PTRH1: variants seen among roughly 807,000 people sequenced by gnomAD.
PTRH1 encodes peptidyl-tRNA hydrolase.
A neutral mutation model predicts 15.7 loss-of-function variants in PTRH1; 13 were observed. The observed-to-expected ratio is 0.83, with a 90% CI of 0.54 to 1.31. The LOEUF is 1.31. PTRH1 is among the 40% of genes most tolerant of loss of function. The probability of loss-of-function intolerance (pLI) is 0.00; values close to 1 mark genes in which losing one functional copy is unlikely to be tolerated. For synonymous variants in PTRH1, 139 were observed against 136.7 expected, an observed-to-expected ratio of 1.02 and a Z score of -0.12; for missense variants, 319 against 296.2, an observed-to-expected ratio of 1.08 and a Z score of -0.56.
downstream of PTRH1, chr9:127,712,290 C>T (rs1475456570): frequency 3.7e-6 from 6 of 1,613,904 alleles, no homozygotes; most frequent in Admixed American, 3.3e-5. Flanking sequence ...GCAGAAGGTT[C>T]GGGCCAGCCT....
At chr9:127,711,809 C>A, downstream of PTRH1, 1 of 1,555,388 alleles carries the variant, frequency 6.4e-7, no homozygotes. Flanking sequence ...GCCACCTGTC[C>A]GCACCCGCAG....
At chr9:127,706,718 C>T (rs1270628435) in intron 1 of PTRH1, among the ~76,000 whole-genome samples, 2 of 152,212 alleles carry the variant, frequency 1.3e-5, no homozygotes, top group African/African-American at 4.8e-5. Context: ...TGGCGATTTC[C>T]AGGGCCCTGA....
intron 1 of PTRH1, among the ~76,000 whole-genome samples, chr9:127,708,119 C>G (rs79213699): frequency 6.6e-6 from 1 of 152,202 alleles, no homozygotes; most frequent in African/African-American, 2.4e-5. Flanking sequence ...CCTCAGCCCC[C>G]ACCCCTGAAA....
At chr9:127,712,967 G>A, downstream of PTRH1, 1 of 1,599,516 alleles carries the variant, frequency 6.3e-7, no homozygotes, top group Non-Finnish European at 8.5e-7. Flanking sequence ...CTCACCCTGG[G>A]CCAGAAACCT....
downstream of PTRH1, chr9:127,713,695 C>A (rs1321212177): frequency 4.8e-6 from 3 of 624,774 alleles, no homozygotes; most frequent in Non-Finnish European, 8.7e-6. Flanking sequence ...TTAGTAGAGA[C>A]AGGGTTTCAC....
At chr9:127,711,608 C>G (rs961501243), downstream of PTRH1, 11 of 1,375,482 alleles carry the variant, frequency 8.0e-6, no homozygotes, top group Admixed American at 2.2e-4. Flanking sequence ...AGGGAGGCAG[C>G]AGAGAGAGGA....
chr9:127,710,641 AGAG>A (rs1238797227), downstream of PTRH1: 1 of 1,587,320 alleles, frequency 6.3e-7, no homozygotes, highest in South Asian at 1.1e-5. Flanking sequence ...GGCTGCAGAA[AGAG>A]GAGGTCACGG....
At chr9:127,706,687 T>C (rs780522296) in intron 1 of PTRH1, among the ~76,000 whole-genome samples, 24 of 152,208 alleles carry the variant, frequency 1.6e-4, no homozygotes, top group Non-Finnish European at 3.4e-4. Context: ...GTCCATCTTC[T>C]GATCAGCACA....
At chr9:127,703,125 C>T (rs1588384446) in intron 1 of PTRH1, among the ~76,000 whole-genome samples, 2 of 152,188 alleles carry the variant, frequency 1.3e-5, no homozygotes, top group East Asian at 3.9e-4. Context: ...TCGGGACACT[C>T]ATTCTATTGC....
At position 127,715,557 on chromosome 9, in the gene PTRH1, C is replaced by T. The variant is rs913434290; in HGVS notation, c.83G>A (p.Gly28Glu). 2 of 1,613,592 alleles carry T rather than the reference C, an allele frequency of 1.2e-6. No homozygotes were observed. Among genetic ancestry groups the T allele is most frequent in the Admixed American group, 1.7e-5 (1 of 60,032 alleles). The change falls in exon 1 of 5, where the codon GGG (glycine) becomes GAG (glutamate). Residue 28 changes from glycine to glutamate, a missense_variant. Transcript: ENST00000543175. This position sits in a 1 kb window ranked among gnomAD's most constrained non-coding sequence, Gnocchi z 5.8. ...CACGCCACTCACCATCCACCGCTTC[C>T]CCGGGGGGCGAGGCTCCAAAACACA... ...SRCVLEPRPPGKRWMVAGLGN... is the reference protein window; with the variant it reads ...SRCVLEPRPPEKRWMVAGLGN...
intron 1 of PTRH1, among the ~76,000 whole-genome samples, chr9:127,707,351 A>T (rs1842670054): frequency 6.6e-6 from 1 of 151,978 alleles, no homozygotes; most frequent in Admixed American, 6.5e-5. Flanking sequence ...CCTCATACGT[A>T]CCTTTGGGAG....
At chr9:127,694,211 C>A (rs898274198) in intron 2 of PTRH1, among the ~76,000 whole-genome samples, 1 of 152,054 alleles carries the variant, frequency 6.6e-6, no homozygotes, top group South Asian at 2.1e-4. Context: ...GGATTACAGG[C>A]GTGAGCTACT....
chr9:127,701,516 C>T (rs1842603195), intron 1 of PTRH1, among the ~76,000 whole-genome samples: 1 of 152,176 alleles, frequency 6.6e-6, no homozygotes. Context: ...ATCAGGAGTA[C>T]CTGACCTGCT....
downstream of PTRH1, chr9:127,709,474 G>T: frequency 6.2e-7 from 1 of 1,614,032 alleles, no homozygotes; most frequent in Non-Finnish European, 8.5e-7. The surrounding 1 kb of genome is among the most constrained non-coding windows in gnomAD (Gnocchi z 4.7). Flanking sequence ...GTTCCGCCAG[G>T]AGTTTGAGCA....
At chr9:127,712,277 T>G (rs750970463), downstream of PTRH1, 2 of 1,614,022 alleles carry the variant, frequency 1.2e-6, no homozygotes, top group Non-Finnish European at 1.7e-6. Context: ...AACTGGCTAA[T>G]GAGCAGAAGG....
downstream of PTRH1, chr9:127,710,635 G>A (rs1262193329): frequency 5.7e-6 from 9 of 1,586,522 alleles, no homozygotes; most frequent in Non-Finnish European, 7.7e-6. Flanking sequence ...AGTTCCGGCT[G>A]CAGAAAGAGG....
At chr9:127,710,465 A>G (rs1268285558), downstream of PTRH1, 3 of 1,038,386 alleles carry the variant, frequency 2.9e-6, no homozygotes, top group African/African-American at 4.8e-5. Context: ...TAGGTGGGGG[A>G]TGGTAGACCT....
intron 1 of PTRH1, among the ~76,000 whole-genome samples, chr9:127,699,727 C>A (rs980457357): frequency 1.7e-4 from 26 of 149,908 alleles, no homozygotes; most frequent in African/African-American, 2.4e-4. Context: ...AAAAAAAAAA[C>A]AAAAAAACTG....
rs74461869 is a variant in PTRH1 at position 127,700,214 on chromosome 9, C to T, written c.206-5073G>A. 2.5e-3 allele frequency among the ~76,000 whole-genome samples: 385 copies of T among 152,250 alleles called. 9 individuals are homozygous for T. In the East Asian group the frequency reaches 0.06, roughly 24 times the overall value. ...TGTCTCTCTGACCCCCTCTTGCCCG[C>T]TCCCTCCTTCTCTCAGCTGCAGCTT... is the stretch of plus-strand genomic sequence containing the variant. On this transcript the variant is annotated intron_variant, in intron 1 of 2. Transcript: ENST00000335223.
Sources: gnomAD v4.1 joint callset for allele counts (sites outside exome capture counted in the v4.1 genomes callset) on GRCh38, gnomAD v4.1.1 for gene constraint, Gnocchi (gnomAD v3.1) non-coding constraint, MANE v1.5 for transcripts, NCBI Gene and HGNC (gene_info 2026-07-23, HGNC 2026-07-21) for gene names.